Variants in MARCHF10 observed in about 807,000 individuals in gnomAD.
MARCHF10 encodes membrane associated ring-CH-type finger 10, also known as probable E3 ubiquitin-protein ligase MARCHF10.
MARCHF10 carries 64 observed loss-of-function variants against 76.2 expected under a neutral mutation model. That is an observed-to-expected ratio of 0.84 (90% confidence interval 0.69 to 1.03). The LOEUF is 1.03. MARCHF10 is among the 50% of genes least tolerant of loss of function. MARCHF10 has a pLI of 0.00. For synonymous variants in MARCHF10, 340 were observed against 357.5 expected (o/e 0.95, Z 0.55); for missense variants, 875 against 958.0 (o/e 0.91, Z 1.14).
intron 2 of MARCHF10, among the ~76,000 whole-genome samples, chr17:62,789,069 CAAAA>C (rs34556672): frequency 2.7e-5 from 1 of 36,892 alleles, no homozygotes; most frequent in East Asian, 7.1e-4. Flanking sequence ...GACTCCGTCT[CAAAA>C]AAAAAAAAAA....
At chr17:62,775,905 C>A (rs1484256015) in intron 3 of MARCHF10, among the ~76,000 whole-genome samples, 2 of 152,024 alleles carry the variant, frequency 1.3e-5, no homozygotes, top group Non-Finnish European at 2.9e-5. Context: ...CAGCCTTGAA[C>A]CCCTGGGCTC....
At chr17:62,803,913 C>T (rs2093121259) in intron 1 of MARCHF10, among the ~76,000 whole-genome samples, 1 of 152,138 alleles carries the variant, frequency 6.6e-6, no homozygotes, top group African/African-American at 2.4e-5. Flanking sequence ...GCAGTGAGGC[C>T]AGCACTAGAT....
intron 3 of MARCHF10, among the ~76,000 whole-genome samples, chr17:62,784,281 T>G (rs922851874): frequency 2.0e-5 from 3 of 152,186 alleles, no homozygotes; most frequent in Non-Finnish European, 2.9e-5. Context: ...ACCACATGAT[T>G]ATCTCAATAG....
intron 5 of MARCHF10, chr17:62,737,851 C>T (rs979660549): frequency 6.6e-6 from 1 of 152,596 alleles, no homozygotes; most frequent in Non-Finnish European, 1.5e-5. Context: ...GGAGCTGGCG[C>T]CCGGGGAACA....
chr17:62,709,242 G>C (rs969963781), intron 9 of MARCHF10, among the ~76,000 whole-genome samples: 3 of 152,152 alleles, frequency 2.0e-5, no homozygotes, highest in African/African-American at 7.2e-5. Flanking sequence ...CACTTTGGGA[G>C]GCCAAGGCAG....
chr17:62,785,075 C>G (rs2092723492), intron 3 of MARCHF10, among the ~76,000 whole-genome samples: 1 of 152,128 alleles, frequency 6.6e-6, no homozygotes, highest in African/African-American at 2.4e-5. Context: ...CAAGACAATC[C>G]TAAGCAAAAA....
chr17:62,746,380 G>A (rs1013193614), intron 4 of MARCHF10, among the ~76,000 whole-genome samples: 17 of 152,086 alleles, frequency 1.1e-4, no homozygotes, highest in African/African-American at 4.1e-4. Flanking sequence ...GATAGTCTTG[G>A]GATGGCGTAG....
intron 9 of MARCHF10, among the ~76,000 whole-genome samples, chr17:62,709,100 G>A (rs139231059): frequency 7.0e-4 from 107 of 152,278 alleles, no homozygotes; most frequent in African/African-American, 2.2e-3. Flanking sequence ...CATGTCTAGC[G>A]TCTAGTAGCT....
At chr17:62,794,604 G>A (rs2092953365) in intron 2 of MARCHF10, among the ~76,000 whole-genome samples, 1 of 152,144 alleles carries the variant, frequency 6.6e-6, no homozygotes, top group African/African-American at 2.4e-5. Context: ...CCATAGTTGT[G>A]CTCAAAGTTC....
At chr17:62,776,576 T>C (rs935187981) in intron 3 of MARCHF10, among the ~76,000 whole-genome samples, 1 of 152,228 alleles carries the variant, frequency 6.6e-6, no homozygotes, top group Non-Finnish European at 1.5e-5. Flanking sequence ...TAGTACTTGT[T>C]TGCTGCATTA....
intron 4 of MARCHF10, among the ~76,000 whole-genome samples, chr17:62,748,969 T>C (rs1030911978): frequency 6.6e-6 from 1 of 152,224 alleles, no homozygotes; most frequent in Admixed American, 6.5e-5. Context: ...AAGGGGTTTG[T>C]GTTCAGGAGT....
At position 62,711,922 on chromosome 17, in the gene MARCHF10, C is replaced by G. The variant is rs2089953702; in HGVS notation, c.2215-578G>C. 6.6e-6 allele frequency among the ~76,000 whole-genome samples: 1 copy of G among 152,212 alleles called. No individual in the cohort carries two copies. Among genetic ancestry groups the G allele is most frequent in the African/African-American group, 2.4e-5 (1 of 41,460 alleles). ...TTGATCTTGCATATCACCTTTTGCA[C>G]TTGTTAACGTTTCCGCTTTCTCTTG... On this transcript the variant is annotated intron_variant, in intron 8 of 10. Transcript: ENST00000311269. This position sits in a 1 kb window ranked among gnomAD's most constrained non-coding sequence, Gnocchi z 4.4.
chr17:62,767,787 T>A (rs2092366849), intron 3 of MARCHF10, among the ~76,000 whole-genome samples: 2 of 152,170 alleles, frequency 1.3e-5, no homozygotes, highest in Non-Finnish European at 2.9e-5. Flanking sequence ...TAATGACTGA[T>A]GGAGACTACT....
At chr17:62,780,483 G>T (rs940073354) in intron 3 of MARCHF10, among the ~76,000 whole-genome samples, 2 of 152,144 alleles carry the variant, frequency 1.3e-5, no homozygotes, top group African/African-American at 4.8e-5. Context: ...TGACTTCATT[G>T]ATGTGAACAG....
intron 4 of MARCHF10, among the ~76,000 whole-genome samples, chr17:62,754,858 T>C (rs553060448): frequency 3.3e-5 from 5 of 152,326 alleles, no homozygotes; most frequent in East Asian, 1.9e-4. Flanking sequence ...AATCTGGCCT[T>C]TCAGAGAAAA....
intron 3 of MARCHF10, among the ~76,000 whole-genome samples, chr17:62,775,555 G>T (rs1269260271): frequency 1.3e-5 from 2 of 151,146 alleles, no homozygotes; most frequent in Non-Finnish European, 2.9e-5. Context: ...TACCCAACAC[G>T]GTGTCTTGTA....
intron 5 of MARCHF10, among the ~76,000 whole-genome samples, chr17:62,744,153 C>T (rs369211943): frequency 6.6e-5 from 10 of 152,094 alleles, no homozygotes; most frequent in East Asian, 5.8e-4. Flanking sequence ...ATATCCCCCC[C>T]GACCCCGCCT....
At position 62,736,688 on chromosome 17, in the gene MARCHF10, C is replaced by T. The variant is rs757486756; in HGVS notation, c.1180G>A (p.Glu394Lys). Residue 394 changes from glutamate to lysine, a missense_variant, in exon 6 of 11, where the codon GAA (glutamate) becomes AAA (lysine). Physicochemically the swap from Glu to Lys is moderately conservative, Grantham distance 56. Transcript: ENST00000311269. Reference protein sequence around the residue: ...SATEKDRGGSENAKKSPLSWD... With the variant: ...SATEKDRGGSKNAKKSPLSWD... ...GAAAGAGGGCTCTTTTTCGCATTTT[C>T]ACTGCCACCTCTGTCCTTCTCTGTA... 4.3e-6 allele frequency: 7 copies of T among 1,614,102 alleles called. No homozygotes were observed. The highest frequency in any genetic ancestry group is 3.4e-6 in the Non-Finnish European group (4 of 1,180,008).
chr17:62,705,707 G>T, intron 9 of MARCHF10, 126 bp from the exon 10 acceptor site: 1 of 1,173,646 alleles, frequency 8.5e-7, no homozygotes, highest in East Asian at 2.5e-5. Flanking sequence ...GCAGGAAAAT[G>T]GGCAGAGGTG....
Sources: allele counts gnomAD v4.1 joint callset (sites outside exome capture counted in the v4.1 genomes callset), GRCh38; gene constraint gnomAD v4.1.1; non-coding constraint Gnocchi (gnomAD v3.1); transcripts MANE v1.5; gene names NCBI Gene and HGNC (gene_info 2026-07-23, HGNC 2026-07-21).